The following RBFOX1 variants were observed in gnomAD, a reference collection of about 807,000 sequenced individuals.
The protein encoded by RBFOX1 is RNA binding fox-1 homolog 1.
In RBFOX1, 8 loss-of-function variants were observed where a neutral mutation model predicts 57.7. The ratio of observed to expected loss-of-function variants is 0.14; its 90% confidence interval spans 0.08 to 0.25. The LOEUF (loss-of-function observed/expected upper bound fraction) is 0.25, where lower values mean the gene tolerates loss of function less well. Among genes scored for constraint, RBFOX1 ranks in the 10% least tolerant of loss-of-function variants. RBFOX1 has a pLI of 1.00. For synonymous variants in RBFOX1, 326 were observed against 222.4 expected (o/e 1.47, Z -4.15); for missense variants, 611 against 548.5 (o/e 1.11, Z -1.14).
chr16:6,419,209 C>T (rs2093707749), intron 2 of RBFOX1, among the ~76,000 whole-genome samples: 2 of 152,148 alleles, frequency 1.3e-5, no homozygotes, highest in Admixed American at 6.5e-5. Context: ...AATTCGAATG[C>T]CCCCTCCTTT....
intron 3 of RBFOX1, among the ~76,000 whole-genome samples, chr16:5,693,928 G>A (rs1196236674): frequency 1.3e-5 from 2 of 152,280 alleles, no homozygotes; most frequent in African/African-American, 4.8e-5. Context: ...CTCGTCACAG[G>A]TGGCAATGGC....
In RBFOX1 at chr16:6,810,587, T is replaced by C. The variant is rs1031745915; in HGVS notation, c.-16+155937T>C. ...TAGGTTTGTATTATGAGTTTCATAG[T>C]GCTATAAAGAGCTATAAAGAACTTC... On this transcript the variant is annotated intron_variant, in intron 3 of 15. Transcript: ENST00000550418. Among the ~76,000 whole-genome samples the C allele has an allele frequency of 9.2e-5, 14 of 152,258 alleles. No individual in the cohort carries two copies. In the East Asian group the frequency reaches 2.7e-3, roughly 29 times the overall value.
At position 6,363,026 on chromosome 16, in the gene RBFOX1, G is replaced by A. The variant is rs564856062; in HGVS notation, c.-64+45969G>A. Among the ~76,000 whole-genome samples, 108 of 152,288 alleles carry A rather than the reference G, an allele frequency of 7.1e-4. 4 individuals are homozygous for A. The Middle Eastern group carries it at 0.01, about 14-fold the overall frequency. On this transcript the variant is annotated intron_variant, in intron 2 of 15. Coordinates refer to ENST00000550418, the MANE Select transcript of RBFOX1 (RefSeq NM_018723.4). ...ATGATTACTTGGGTCTTCAAAGCAG[G>A]CGTGCACAGTTTTTCTCTCAATATG...
intron 1 of RBFOX1, among the ~76,000 whole-genome samples, chr16:6,166,240 T>C (rs977009622): frequency 1.3e-5 from 2 of 152,148 alleles, no homozygotes; most frequent in African/African-American, 2.4e-5. Flanking sequence ...AGGCCTTCCC[T>C]GCCTGCTGTC....
At chr16:7,287,489 G>A (rs1469877085) in intron 4 of RBFOX1, among the ~76,000 whole-genome samples, 1 of 152,182 alleles carries the variant, frequency 6.6e-6, no homozygotes, top group Non-Finnish European at 1.5e-5. Flanking sequence ...GGTGGACCAA[G>A]CCTGTATTCC....
chr16:6,812,697 T>C (rs572730991), intron 3 of RBFOX1, among the ~76,000 whole-genome samples: 2 of 152,152 alleles, frequency 1.3e-5, no homozygotes, highest in East Asian at 1.9e-4. Context: ...TTTTAATGCC[T>C]AAATGTGGTC....
intron 2 of RBFOX1, among the ~76,000 whole-genome samples, chr16:6,637,446 AAATG>A (rs1366313891): frequency 0.014 from 516 of 36,316 alleles, 38 homozygotes; most frequent in Non-Finnish European, 0.022. Context: ...AAATATATGT[AAATG>A]TATATAATAT....
intron 14 of RBFOX1, among the ~76,000 whole-genome samples, chr16:7,688,899 C>G (rs752638189): frequency 1.3e-4 from 20 of 151,980 alleles, no homozygotes; most frequent in Non-Finnish European, 1.9e-4. Flanking sequence ...TTAAGTTACT[C>G]CACAGAGACA....
At chr16:6,929,856 C>G (rs1481796970) in intron 3 of RBFOX1, among the ~76,000 whole-genome samples, 1 of 152,098 alleles carries the variant, frequency 6.6e-6, no homozygotes, top group Non-Finnish European at 1.5e-5. Flanking sequence ...TCTTTTCATC[C>G]TGACCTACAT....
chr16:5,866,158 G>A (rs574161864), intron 3 of RBFOX1, among the ~76,000 whole-genome samples: 1 of 152,088 alleles, frequency 6.6e-6, no homozygotes, highest in Non-Finnish European at 1.5e-5. Flanking sequence ...TAGTAGGGAT[G>A]GGGTTTCACC....
intron 2 of RBFOX1, among the ~76,000 whole-genome samples, chr16:6,344,462 A>G (rs899273819): frequency 1.5e-5 from 2 of 130,354 alleles, no homozygotes; most frequent in African/African-American, 3.2e-5. Flanking sequence ...CAGTGGCACA[A>G]TCTCAGCGCA....
chr16:5,669,422 CTTTTT>C (rs34318850), intron 3 of RBFOX1, among the ~76,000 whole-genome samples: 41 of 118,534 alleles, frequency 3.5e-4, no homozygotes, highest in African/African-American at 7.1e-4. Flanking sequence ...AACAAGTTGG[CTTTTT>C]TTTTTTTTTT....
At chr16:5,310,815 T>C (rs1259337936) in intron 1 of RBFOX1, among the ~76,000 whole-genome samples, 1 of 152,244 alleles carries the variant, frequency 6.6e-6, no homozygotes, top group Non-Finnish European at 1.5e-5. Context: ...GTATAGTTTG[T>C]ACAAATGAAG....
intron 1 of RBFOX1, among the ~76,000 whole-genome samples, chr16:6,285,219 G>T (rs1281749610): frequency 6.6e-6 from 1 of 152,148 alleles, no homozygotes; most frequent in Non-Finnish European, 1.5e-5. Context: ...TGGAATTCCA[G>T]ATACTAAATA....
At chr16:7,288,335 A>C (rs1568045709) in intron 4 of RBFOX1, among the ~76,000 whole-genome samples, 1 of 152,236 alleles carries the variant, frequency 6.6e-6, no homozygotes, top group Non-Finnish European at 1.5e-5. Flanking sequence ...AGAAGATTCA[A>C]GGTGAGAAAA....
chr16:6,049,629 A>G (rs974208003), intron 1 of RBFOX1, among the ~76,000 whole-genome samples: 2 of 152,174 alleles, frequency 1.3e-5, no homozygotes, highest in Admixed American at 1.3e-4. Flanking sequence ...GAATCTCACC[A>G]CTATTAAATA....
chr16:7,084,719 T>C (rs2059720123), intron 4 of RBFOX1, among the ~76,000 whole-genome samples: 1 of 152,214 alleles, frequency 6.6e-6, no homozygotes, highest in South Asian at 2.1e-4. Flanking sequence ...TAATGTAGAA[T>C]AGGTGACCTG....
intron 3 of RBFOX1, among the ~76,000 whole-genome samples, chr16:6,795,486 G>A (rs1231567125): frequency 1.3e-5 from 2 of 151,986 alleles, no homozygotes; most frequent in Non-Finnish European, 2.9e-5. Flanking sequence ...AGACATTGTT[G>A]GCTGCGCACG....
chr16:6,645,257 C>A (rs972531144), intron 2 of RBFOX1, among the ~76,000 whole-genome samples: 1 of 152,180 alleles, frequency 6.6e-6, no homozygotes, highest in Non-Finnish European at 1.5e-5. Flanking sequence ...TCTGCACAGA[C>A]TCCATTTGCA....
Sources: gnomAD v4.1 joint callset for allele counts (sites outside exome capture counted in the v4.1 genomes callset) on GRCh38, gnomAD v4.1.1 for gene constraint, MANE v1.5 for transcripts, NCBI Gene and HGNC (gene_info 2026-07-23, HGNC 2026-07-21) for gene names.